GON4L: variants seen among roughly 807,000 people sequenced by gnomAD.
GON4L encodes gon-4 like, also known as GON-4-like protein.
Under a neutral mutation model 211.8 loss-of-function variants are expected in GON4L, and 87 were observed. The ratio of observed to expected loss-of-function variants is 0.41; its 90% CI spans 0.35 to 0.49. The LOEUF (loss-of-function observed/expected upper bound fraction) is 0.49, where lower values mean the gene tolerates loss of function less well. Among genes scored for constraint, GON4L ranks in the 20% least tolerant of loss-of-function variants. The pLI is 0.15. For synonymous variants in GON4L, 875 were observed against 962.6 expected (o/e 0.91, Z 1.68); for missense variants, 2,155 against 2,659.5 (o/e 0.81, Z 4.17).
At position 155,822,489 on chromosome 1, in the gene GON4L, C is replaced by G. The variant is rs781399155; in HGVS notation, c.698-13G>C. 8 of 1,600,712 alleles carry G rather than the reference C, an allele frequency of 5.0e-6. No individual in the cohort carries two copies. In the African/African-American group the frequency reaches 1.1e-4, roughly 21 times the overall value. ...TTGTCTTGTTCTTCTGCAAATAAAC[C>G]AAGAACATCATCAGAATTCCAAAAT... is the stretch of plus-strand genomic sequence containing the variant. On this transcript the variant is annotated splice_polypyrimidine_tract_variant and intron_variant, in intron 3 of 31. Transcript: ENST00000368331.
intron 18 of GON4L, among the ~76,000 whole-genome samples, chr1:155,772,344 T>C (rs1663281074): frequency 6.6e-6 from 1 of 152,090 alleles, no homozygotes; most frequent in African/African-American, 2.4e-5. Flanking sequence ...ATAGGTACCC[T>C]GTCAGACAAC....
rs1370668985 is a variant in GON4L at position 155,765,728 on chromosome 1, A to G, written c.3745T>C (p.Leu1249=). The G allele has an allele frequency of 6.2e-7, 1 of 1,614,126 alleles. No individual in the cohort carries two copies. Among genetic ancestry groups the G allele is most frequent in the East Asian group, 2.2e-5 (1 of 44,880 alleles). The change falls in exon 21 of 32, where the codon TTA becomes CTA. Residue 1249 remains leucine, a synonymous_variant. Transcript: ENST00000368331. ...AGAGGAGATAGTTCCTGGGGCTCTAATTTGGGTTCTAGGCCCTGAAAGGCA... is the reference window on the plus strand; with the variant it reads ...AGAGGAGATAGTTCCTGGGGCTCTAGTTTGGGTTCTAGGCCCTGAAAGGCA... ...ENAFQGLEPK[L]EPQELSPLSA...
Position 155,777,616 on chromosome 1 carries a change from T to G in GON4L, c.2091+6A>C. 6.2e-7 allele frequency: 1 copy of G among 1,606,348 alleles called. No homozygotes were observed. The highest frequency in any genetic ancestry group is 1.1e-5 in the South Asian group (1 of 90,940). ...CCAATGTTAACATGACCAAGAAAAG[T>G]CCTACCTGCTGCATCTGCTGCTGGA... On this transcript the variant is annotated splice_donor_region_variant and intron_variant, in intron 15 of 31. Transcript: ENST00000368331.
At chr1:155,828,254 T>C (rs1166563972) in intron 2 of GON4L, among the ~76,000 whole-genome samples, 1 of 151,930 alleles carries the variant, frequency 6.6e-6, no homozygotes, top group South Asian at 2.1e-4. Flanking sequence ...TATGGAAGGC[T>C]GAGGCAGGCA....
At chr1:155,835,589 T>A (rs1670221075) in intron 2 of GON4L, among the ~76,000 whole-genome samples, 1 of 152,118 alleles carries the variant, frequency 6.6e-6, no homozygotes, top group Admixed American at 6.6e-5. Context: ...TCTGGGATTT[T>A]CGTCATTTGG....
At chr1:155,791,570 A>G (rs1197094251) in intron 12 of GON4L, among the ~76,000 whole-genome samples, 1 of 151,892 alleles carries the variant, frequency 6.6e-6, no homozygotes, top group African/African-American at 2.4e-5. Flanking sequence ...CTTAACAACA[A>G]AAGACAAATA....
At chr1:155,793,369 T>C (rs2101980559) in intron 12 of GON4L, among the ~76,000 whole-genome samples, 1 of 152,304 alleles carries the variant, frequency 6.6e-6, no homozygotes, top group East Asian at 1.9e-4. Flanking sequence ...ATAATTCTCT[T>C]TACACAAAGA....
chr1:155,780,580 A>C (rs1240326817), intron 14 of GON4L, among the ~76,000 whole-genome samples: 1 of 152,036 alleles, frequency 6.6e-6, no homozygotes, highest in Admixed American at 6.6e-5. Flanking sequence ...GCGATAGAGC[A>C]AGACTCCATT....
intron 27 of GON4L, among the ~76,000 whole-genome samples, chr1:155,755,956 G>A (rs1232489282): frequency 4.0e-5 from 6 of 148,870 alleles, no homozygotes; most frequent in South Asian, 4.2e-4. Context: ...GAGAAAAAAC[G>A]CTTGGTCAGG....
chr1:155,754,279 A>G (rs1333669167), intron 28 of GON4L, 96 bp downstream of exon 28: 8 of 795,924 alleles, frequency 1.0e-5, no homozygotes, highest in Non-Finnish European at 1.4e-5. Context: ...TTATTTATAT[A>G]TGTGCCTTTT....
intron 2 of GON4L, among the ~76,000 whole-genome samples, chr1:155,850,035 G>T (rs915275924): frequency 6.7e-6 from 1 of 148,542 alleles, no homozygotes; most frequent in Non-Finnish European, 1.5e-5. Flanking sequence ...GGCATGGGGA[G>T]AATAAAGAAA....
chr1:155,753,792 G>A lies in GON4L; in HGVS notation c.5632-378C>T, dbSNP rs1479562979. Among the ~76,000 whole-genome samples, 3 of 151,942 alleles carry A rather than the reference G, an allele frequency of 2.0e-5. No homozygotes were observed. The East Asian group carries it at 5.8e-4, about 29-fold the overall frequency. On this transcript the variant is annotated intron_variant, in intron 28 of 31. Transcript: ENST00000368331. ...GGCATGACCATGGTGGTACACTATA[G>A]CCTCAGACTCCTGGGCTCAAGTGAT...
Position 155,814,420 on chromosome 1 carries a change from A to T in GON4L, c.1191T>A (p.Thr397=). ...TCTTTGCCCCACGTGGAGATGAAGC[A>T]GTGCTTTCAACATCACTTTCCAATA... ...ESLLESDVES[T]ASSPRGAKKS... is the part of the protein sequence containing the mutation. Residue 397 remains threonine (T), a synonymous_variant, in exon 9 of 32, where the codon ACT becomes ACA. Coordinates refer to ENST00000368331, the MANE Select transcript of GON4L (RefSeq NM_001282860.2). The T allele has an allele frequency of 6.2e-7, 1 of 1,613,632 alleles. No homozygotes were observed. The highest frequency in any genetic ancestry group is 8.5e-7 in the Non-Finnish European group (1 of 1,179,550).
chr1:155,804,854 A>C (rs1666994876), intron 11 of GON4L, 95 bp downstream of exon 11: 2 of 860,906 alleles, frequency 2.3e-6, no homozygotes, highest in South Asian at 1.3e-5. Flanking sequence ...TAAATCAATT[A>C]ACCCAAACCA....
rs982931736 is a variant in GON4L at position 155,805,021 on chromosome 1, G to C, written c.1573C>G (p.Pro525Ala). The stretch of plus-strand genomic sequence containing the variant: ...CAGTCCTCATCATCTGCCGTATTGG[G>C]GTCATACATATCTGGAGTGATGTCT... ...APDITPDMYD[P>A]NTADDEDWKM... Residue 525 changes from proline to alanine, a missense_variant, in exon 11 of 32, where the codon CCC becomes GCC. Pro to Ala is a conservative substitution (Grantham distance 27, BLOSUM62 -1). Around this residue, in one of 6 missense-constraint regions of GON4L, gnomAD observed 551 missense variants for 854.0 expected, o/e 0.65. Coordinates refer to ENST00000368331, the MANE Select transcript of GON4L (RefSeq NM_001282860.2). 1 of 1,613,504 alleles carries C rather than the reference G, an allele frequency of 6.2e-7. No homozygotes were observed. The highest frequency in any genetic ancestry group is 8.5e-7 in the Non-Finnish European group (1 of 1,179,534).
intron 10 of GON4L, among the ~76,000 whole-genome samples, chr1:155,810,706 CA>C (rs34418869): frequency 0.48 from 51,514 of 106,766 alleles, 9,778 homozygotes; most frequent in East Asian, 0.7. Context: ...GACTCCGTCT[CA>C]AAAAAAAAAA....
At chr1:155,787,745 C>T (rs886587552) in intron 12 of GON4L, among the ~76,000 whole-genome samples, 3 of 152,082 alleles carry the variant, frequency 2.0e-5, no homozygotes, top group African/African-American at 7.2e-5. Context: ...TGCACTCCAG[C>T]CTGGGCAACA....
At position 155,753,278 on chromosome 1, in the gene GON4L, T is replaced by TC; in HGVS notation, c.5767dup (p.Glu1923GlyfsTer7). 1 of 1,613,772 alleles carries TC rather than the reference T, an allele frequency of 6.2e-7. No homozygotes were observed. Among genetic ancestry groups the TC allele is most frequent in the Non-Finnish European group, 8.5e-7 (1 of 1,179,846 alleles). The stretch of plus-strand genomic sequence containing the variant: ...GGTGGCCTCAGTGCTCTCCCGCTCC[T>TC]CTGGGGCTTCCTCTTCCATCATATC... On this transcript the variant is annotated frameshift_variant, in exon 29 of 32. Coordinates refer to ENST00000368331, the MANE Select transcript of GON4L (RefSeq NM_001282860.2). LOFTEE classifies it high-confidence loss of function.
Position 155,754,467 on chromosome 1 carries a change from C to T in GON4L, c.5539G>A (p.Ala1847Thr). ...HDKETEWPDG[A>T]KDCACSCHEG... is the part of the protein sequence containing the mutation. ...TGGCAGGAGCAGGCACAGTCCTTGG[C>T]CCCATCTGGCCATTCAGTCTCCTAG... is the stretch of plus-strand genomic sequence containing the variant. The change falls in exon 28 of 32, where the codon GCC (alanine) becomes ACC (threonine). Residue 1847 changes from alanine to threonine, a missense_variant. Around this residue, in one of 6 missense-constraint regions of GON4L, gnomAD observed 455 missense variants for 504.6 expected, o/e 0.90. Coordinates refer to ENST00000368331, the MANE Select transcript of GON4L (RefSeq NM_001282860.2). 2 of 1,610,340 alleles carry T rather than the reference C, an allele frequency of 1.2e-6. No individual in the cohort carries two copies. The highest frequency in any genetic ancestry group is 2.2e-5 in the East Asian group (1 of 44,858).
Sources: gnomAD v4.1 joint callset for allele counts (sites outside exome capture counted in the v4.1 genomes callset) on GRCh38, gnomAD v4.1.1 for gene constraint, gnomAD v4.1.1 regional missense constraint, MANE v1.5 for transcripts, NCBI Gene and HGNC (gene_info 2026-07-23, HGNC 2026-07-21) for gene names.